The following CHN1 variants were observed in gnomAD, a reference collection of about 807,000 sequenced individuals.
The protein encoded by CHN1 is N-chimaerin.
A neutral mutation model predicts 59.5 loss-of-function variants in CHN1; 37 were observed. The ratio of observed to expected loss-of-function variants is 0.62; its 90% CI spans 0.48 to 0.82. The LOEUF (loss-of-function observed/expected upper bound fraction) is 0.82, where lower values mean the gene tolerates loss of function less well. CHN1 is among the 40% of genes least tolerant of loss of function. CHN1 has a pLI of 0.00. For synonymous variants in CHN1, 206 were observed against 200.4 expected (o/e 1.03, Z -0.24); for missense variants, 469 against 571.0 (o/e 0.82, Z 1.82).
intron 4 of CHN1, among the ~76,000 whole-genome samples, chr2:174,916,185 T>C (rs548921182): frequency 2.0e-5 from 3 of 152,312 alleles, no homozygotes; most frequent in Non-Finnish European, 4.4e-5. Context: ...AACACATTCA[T>C]ACAAACTCTT....
Position 175,005,212 on chromosome 2 carries a change from G to A in CHN1, c.-300C>T, listed in dbSNP as rs1692028179. The A allele has an allele frequency of 8.2e-7, 1 of 1,214,920 alleles. No homozygotes were observed. Among genetic ancestry groups the A allele is most frequent in the African/African-American group, 1.6e-5 (1 of 62,096 alleles). The allele number at this position is 1,214,920 out of a possible 1,614,324, so 75.3% of individuals were successfully genotyped here. A position where few individuals can be genotyped will look rare whatever the true frequency, so the allele number is the denominator to read the frequency against. Reference sequence around the variant, plus strand: ...TGCGCGCGGGAGGAGGTACCTGCGAGGCAGGAGGCTTGGCCGCGGCGCAGT... The same window carrying A: ...TGCGCGCGGGAGGAGGTACCTGCGAAGCAGGAGGCTTGGCCGCGGCGCAGT... On this transcript the variant is annotated 5_prime_UTR_variant, in exon 1 of 13. Coordinates refer to ENST00000409900, the MANE Select transcript of CHN1 (RefSeq NM_001822.7).
intron 3 of CHN1, among the ~76,000 whole-genome samples, chr2:174,931,200 G>T (rs923815372): frequency 6.6e-6 from 1 of 151,490 alleles, no homozygotes. Context: ...TCAATAATTC[G>T]CAGCTATCAC....
At chr2:174,900,914 C>T (rs1688371683) in intron 5 of CHN1, among the ~76,000 whole-genome samples, 1 of 151,716 alleles carries the variant, frequency 6.6e-6, no homozygotes, top group Non-Finnish European at 1.5e-5. Context: ...AAAAGATTCA[C>T]TGAAGTGTAA....
intron 3 of CHN1, among the ~76,000 whole-genome samples, chr2:174,925,768 A>T (rs1309723732): frequency 6.6e-6 from 1 of 152,264 alleles, no homozygotes; most frequent in African/African-American, 2.4e-5. Flanking sequence ...ACTTCAAGAT[A>T]TAACACCTCT....
chr2:174,846,280 T>A lies in CHN1; in HGVS notation c.627+600A>T, dbSNP rs147060531. On this transcript the variant is annotated intron_variant, in intron 7 of 12. Transcript: ENST00000409900. ...ATTCAAGTACAGTTGATAAACCACA[T>A]TAACACAATAATTAAAAACTACACA... is the stretch of plus-strand genomic sequence containing the variant. 1,262 of 1,534,298 alleles carry A rather than the reference T, an allele frequency of 8.2e-4. 8 individuals are homozygous for A. The African/African-American group carries it at 0.016, about 19-fold the overall frequency.
intron 5 of CHN1, 110 bp from the exon 6 acceptor site, chr2:174,878,238 T>C (rs1687634504): frequency 1.0e-6 from 1 of 996,250 alleles, no homozygotes; most frequent in African/African-American, 1.6e-5. Flanking sequence ...GTGTGTGTCT[T>C]CTTTGTTTAA....
At chr2:174,959,425 G>C (rs1396571432) in intron 1 of CHN1, among the ~76,000 whole-genome samples, 1 of 152,134 alleles carries the variant, frequency 6.6e-6, no homozygotes, top group Non-Finnish European at 1.5e-5. Flanking sequence ...GGGGAGGAGG[G>C]GACACTGGGA....
chr2:174,820,182 C>A (rs1333454632), intron 8 of CHN1, among the ~76,000 whole-genome samples: 1 of 151,904 alleles, frequency 6.6e-6, no homozygotes, highest in Non-Finnish European at 1.5e-5. Flanking sequence ...GGGTATATAC[C>A]CAGTAATGGG....
At chr2:174,989,799 A>G (rs1691476548) in intron 1 of CHN1, among the ~76,000 whole-genome samples, 1 of 152,168 alleles carries the variant, frequency 6.6e-6, no homozygotes, top group South Asian at 2.1e-4. Flanking sequence ...CAAAAAAAAA[A>G]AAAAGTTGCA....
chr2:174,913,110 C>T (rs577953627), intron 5 of CHN1, among the ~76,000 whole-genome samples: 2 of 152,284 alleles, frequency 1.3e-5, no homozygotes, highest in Admixed American at 1.3e-4. Context: ...TTGCTGGTAT[C>T]AGCTGGTGAA....
chr2:174,908,205 G>A (rs1021669771), intron 5 of CHN1, among the ~76,000 whole-genome samples: 1 of 152,204 alleles, frequency 6.6e-6, no homozygotes, highest in Non-Finnish European at 1.5e-5. Context: ...CAAATTTGGA[G>A]TTAACAAGTT....
chr2:174,844,189 A>G (rs1269285221), intron 7 of CHN1, among the ~76,000 whole-genome samples: 1 of 136,282 alleles, frequency 7.3e-6, no homozygotes, highest in Non-Finnish European at 1.6e-5. Flanking sequence ...AATCCTTATA[A>G]GTAACAATAG....
intron 1 of CHN1, among the ~76,000 whole-genome samples, chr2:174,952,440 C>T (rs1319430799): frequency 1.3e-5 from 2 of 152,026 alleles, no homozygotes; most frequent in Admixed American, 1.3e-4. Flanking sequence ...TACATAAAAA[C>T]ATCAAGGTTA....
chr2:174,866,577 A>AT (rs1687222603), intron 6 of CHN1, among the ~76,000 whole-genome samples: 1 of 152,202 alleles, frequency 6.6e-6, no homozygotes, highest in Non-Finnish European at 1.5e-5. Context: ...TCACATTGAA[A>AT]TACTTGGTAA....
chr2:174,892,157 T>G (rs1558969936), intron 5 of CHN1, among the ~76,000 whole-genome samples: 1 of 152,182 alleles, frequency 6.6e-6, no homozygotes, highest in Non-Finnish European at 1.5e-5. Flanking sequence ...AGTGAAAAAC[T>G]CTACCAAACA....
intron 6 of CHN1, among the ~76,000 whole-genome samples, chr2:174,852,120 TA>T (rs56171864): frequency 0.33 from 48,384 of 147,980 alleles, 8,774 homozygotes; most frequent in Admixed American, 0.46. Flanking sequence ...TTTCCTCTAT[TA>T]AAAAAAAAAA....
chr2:174,802,307 C>A (rs543667122), intron 11 of CHN1, among the ~76,000 whole-genome samples: 17 of 152,322 alleles, frequency 1.1e-4, no homozygotes, highest in African/African-American at 4.1e-4. Flanking sequence ...GATATTCATA[C>A]TTTTTTCTTT....
At chr2:174,818,549 A>T (rs1685360992) in intron 8 of CHN1, among the ~76,000 whole-genome samples, 1 of 152,152 alleles carries the variant, frequency 6.6e-6, no homozygotes, top group Non-Finnish European at 1.5e-5. Context: ...ACAAATAATA[A>T]TAATAATAAA....
At chr2:174,862,911 A>C (rs1410826201) in intron 6 of CHN1, among the ~76,000 whole-genome samples, 1 of 152,200 alleles carries the variant, frequency 6.6e-6, no homozygotes, top group Non-Finnish European at 1.5e-5. Context: ...TTTTACATGA[A>C]AGAATGAGTA....
Sources: gnomAD v4.1 joint callset for allele counts (sites outside exome capture counted in the v4.1 genomes callset) on GRCh38, gnomAD v4.1.1 for gene constraint, MANE v1.5 for transcripts, NCBI Gene and HGNC (gene_info 2026-07-23, HGNC 2026-07-21) for gene names.